TNR: variants seen among roughly 807,000 people sequenced by gnomAD.
TNR encodes tenascin R, also known as tenascin-R.
TNR carries 45 observed loss-of-function variants against 150.4 expected under a neutral mutation model. The observed-to-expected ratio is 0.30, with a 90% CI of 0.24 to 0.38. The LOEUF (loss-of-function observed/expected upper bound fraction) is 0.38, where lower values mean the gene tolerates loss of function less well. Among genes scored for constraint, TNR ranks in the 10% least tolerant of loss-of-function variants. TNR has a pLI of 1.00. For synonymous variants in TNR, 687 were observed against 678.4 expected, an observed-to-expected ratio of 1.01 and a Z score of -0.20; for missense variants, 1,544 against 1,759.1, an observed-to-expected ratio of 0.88 and a Z score of 2.19.
At chr1:175,401,758 C>T (rs956035274) in intron 4 of TNR, among the ~76,000 whole-genome samples, 2 of 152,162 alleles carry the variant, frequency 1.3e-5, no homozygotes, top group African/African-American at 4.8e-5. Context: ...GCTTACCAGG[C>T]TTTCCCCCTT....
intron 9 of TNR, among the ~76,000 whole-genome samples, chr1:175,369,781 G>T (rs750644684): frequency 1.6e-4 from 24 of 152,244 alleles, no homozygotes; most frequent in Non-Finnish European, 2.2e-4. Flanking sequence ...GATTTTGATC[G>T]GAAATACTTT....
chr1:175,624,492 T>C (rs1664082384), intron 1 of TNR, among the ~76,000 whole-genome samples: 1 of 152,008 alleles, frequency 6.6e-6, no homozygotes, highest in South Asian at 2.1e-4. Flanking sequence ...GGAGAAGAAC[T>C]CCATGTAACA....
chr1:175,522,944 T>G (rs1409001429), intron 2 of TNR, among the ~76,000 whole-genome samples: 1 of 152,248 alleles, frequency 6.6e-6, no homozygotes, highest in Non-Finnish European at 1.5e-5. Context: ...TATGATCAAT[T>G]CTCATCTGTA....
chr1:175,369,268 T>A (rs1651981709), intron 9 of TNR, among the ~76,000 whole-genome samples: 1 of 152,158 alleles, frequency 6.6e-6, no homozygotes, highest in Admixed American at 6.5e-5. Context: ...AAAACAGACA[T>A]GTGTCCTCCC....
chr1:175,691,103 G>A lies in TNR; in HGVS notation c.-165+52123C>T, dbSNP rs1028322852. ...TGTTAATTAAACATCTCTATAGTAA[G>A]TAGTTGGATAGCACCATGGACAGCA... On this transcript the variant is annotated intron_variant, in intron 1 of 22. Coordinates refer to ENST00000367674, the MANE Select transcript of TNR (RefSeq NM_003285.3). 3.3e-5 allele frequency among the ~76,000 whole-genome samples: 5 copies of A among 152,064 alleles called. No homozygotes were observed. The East Asian group carries it at 9.7e-4, about 29-fold the overall frequency.
At chr1:175,411,334 C>G (rs991831912) in intron 2 of TNR, among the ~76,000 whole-genome samples, 22 of 152,142 alleles carry the variant, frequency 1.4e-4, no homozygotes, top group Non-Finnish European at 2.9e-5. Context: ...TTGAGGTCTT[C>G]TCTTTCCTGA....
intron 1 of TNR, among the ~76,000 whole-genome samples, chr1:175,542,395 C>T (rs76945696): frequency 6.6e-6 from 1 of 152,166 alleles, no homozygotes; most frequent in Admixed American, 6.5e-5. Context: ...CATGTCTCAT[C>T]ATGTAGCTGC....
intron 1 of TNR, among the ~76,000 whole-genome samples, chr1:175,551,638 A>C (rs1660940784): frequency 6.6e-6 from 1 of 152,228 alleles, no homozygotes; most frequent in Admixed American, 6.5e-5. Context: ...GGTTTGTCAA[A>C]GGGTTTGCTA....
intron 2 of TNR, among the ~76,000 whole-genome samples, chr1:175,523,353 C>T (rs1287107914): frequency 6.6e-6 from 1 of 152,194 alleles, no homozygotes; most frequent in African/African-American, 2.4e-5. Context: ...TTATACATGG[C>T]TGATTCCTCA....
chr1:175,382,692 G>T (rs1165258464), intron 8 of TNR, among the ~76,000 whole-genome samples: 2 of 152,180 alleles, frequency 1.3e-5, no homozygotes, highest in Non-Finnish European at 2.9e-5. Flanking sequence ...ATGAGGTCAG[G>T]AGATCGAGAC....
At chr1:175,503,082 C>A (rs859386) in intron 2 of TNR, among the ~76,000 whole-genome samples, 19 of 151,596 alleles carry the variant, frequency 1.3e-4, no homozygotes, top group Non-Finnish European at 2.5e-4. Flanking sequence ...GATGCCCCGC[C>A]GCAGTGGCGC....
intron 1 of TNR, among the ~76,000 whole-genome samples, chr1:175,717,523 A>G (rs1469557851): frequency 6.6e-6 from 1 of 152,234 alleles, no homozygotes; most frequent in Non-Finnish European, 1.5e-5. Context: ...AGTGGCTTGG[A>G]CAAATTAAGT....
chr1:175,598,663 A>C lies in TNR; in HGVS notation c.-164-70294T>G, dbSNP rs568970451. 3.5e-4 allele frequency among the ~76,000 whole-genome samples: 54 copies of C among 152,246 alleles called. 1 individual carries two copies. Among genetic ancestry groups the C allele is most frequent in the Non-Finnish European group, 6.6e-4 (45 of 68,050 alleles). ...TAGAACTGGAGAACCAAATGAATAG[A>C]GGTACATTTAGGAGAAGTATGCACT... is the stretch of plus-strand genomic sequence containing the variant. On this transcript the variant is annotated intron_variant, in intron 1 of 22. Coordinates refer to ENST00000367674, the MANE Select transcript of TNR (RefSeq NM_003285.3).
rs1256401677 is a variant in TNR, at chr1:175,639,130, T to TTATAGTC, written c.-165+104089_-165+104095dup. On this transcript the variant is annotated intron_variant, in intron 1 of 22. Transcript: ENST00000367674. ...CTGGTGTCCCTGTTTCACTGCCTCA[T>TTATAGTC]TATAGTCTATATTCTACATAGTGGC... Among the ~76,000 whole-genome samples, 5 of 152,292 alleles carry TTATAGTC rather than the reference T, an allele frequency of 3.3e-5. No individual in the cohort carries two copies. The East Asian group carries it at 9.7e-4, about 29-fold the overall frequency.
At chr1:175,467,563 A>T (rs984943922) in intron 2 of TNR, among the ~76,000 whole-genome samples, 1 of 152,186 alleles carries the variant, frequency 6.6e-6, no homozygotes, top group Non-Finnish European at 1.5e-5. Context: ...GGGCTTTGGC[A>T]CAGGGAGGCA....
At chr1:175,458,677 A>G (rs894752289) in intron 2 of TNR, among the ~76,000 whole-genome samples, 59 of 152,214 alleles carry the variant, frequency 3.9e-4, no homozygotes, top group Non-Finnish European at 1.5e-4. Context: ...TTCATTTTGC[A>G]ACCTCTATTT....
At chr1:175,683,017 C>A (rs555672092) in intron 1 of TNR, among the ~76,000 whole-genome samples, 30 of 152,306 alleles carry the variant, frequency 2.0e-4, no homozygotes, top group African/African-American at 6.5e-4. Flanking sequence ...TTCCCAGAAA[C>A]AATGGGCGAG....
chr1:175,519,549 A>G (rs933237716), intron 2 of TNR, among the ~76,000 whole-genome samples: 3 of 152,106 alleles, frequency 2.0e-5, no homozygotes, highest in Admixed American at 6.5e-5. Flanking sequence ...TCATTACCTC[A>G]AGCTCTTCCT....
chr1:175,639,926 C>T (rs767084408), intron 1 of TNR, among the ~76,000 whole-genome samples: 1 of 152,194 alleles, frequency 6.6e-6, no homozygotes, highest in African/African-American at 2.4e-5. Context: ...CCTTGTCTTG[C>T]TTATTTTTCT....
Sources: allele counts gnomAD v4.1 joint callset (sites outside exome capture counted in the v4.1 genomes callset), GRCh38; gene constraint gnomAD v4.1.1; transcripts MANE v1.5; gene names NCBI Gene and HGNC (gene_info 2026-07-23, HGNC 2026-07-21).